TAFA4: variants seen among roughly 807,000 people sequenced by gnomAD.
TAFA4 encodes the protein chemokine-like protein TAFA-4.
In TAFA4, 20 loss-of-function variants were observed where a neutral mutation model predicts 21.1. The observed-to-expected ratio is 0.95, with a 90% CI of 0.67 to 1.38. The LOEUF is 1.38. Ranked by LOEUF, TAFA4 falls within the 40% of genes most tolerant of loss-of-function variation. TAFA4 has a pLI of 0.00. For missense variants in TAFA4, 211 were observed against 180.9 expected, an observed-to-expected ratio of 1.17 and a Z score of -0.95; for synonymous variants, 71 against 67.4, an observed-to-expected ratio of 1.05 and a Z score of -0.26.
intron 1 of TAFA4, among the ~76,000 whole-genome samples, chr3:68,905,923 T>A (rs765260572): frequency 2.6e-5 from 4 of 152,206 alleles, no homozygotes; most frequent in Non-Finnish European, 5.9e-5. Context: ...TAAACTGCCA[T>A]CCACGGATCA....
At chr3:68,784,588 C>T (rs192749079) in intron 3 of TAFA4, among the ~76,000 whole-genome samples, 68 of 152,168 alleles carry the variant, frequency 4.5e-4, no homozygotes, top group Admixed American at 3.1e-3. Context: ...CAGACCTTTG[C>T]GGTGAGTGTT....
At chr3:68,803,772 T>G (rs1279755928) in intron 3 of TAFA4, among the ~76,000 whole-genome samples, 1 of 146,450 alleles carries the variant, frequency 6.8e-6, no homozygotes, top group Non-Finnish European at 1.5e-5. Flanking sequence ...GCTCAGGGCC[T>G]TTAAGGGTCT....
intron 3 of TAFA4, among the ~76,000 whole-genome samples, chr3:68,874,783 TAC>T (rs10574878): frequency 0.31 from 45,740 of 149,140 alleles, 7,585 homozygotes; most frequent in Middle Eastern, 0.41. Flanking sequence ...ACCCTTTCTT[TAC>T]ACACACACAC....
chr3:68,923,753 C>A (rs1404257853), intron 1 of TAFA4, among the ~76,000 whole-genome samples: 2 of 152,132 alleles, frequency 1.3e-5, no homozygotes. Context: ...AGGGTAAACA[C>A]ACTTGTTATT....
At chr3:68,830,646 G>A (rs1258662510) in intron 3 of TAFA4, among the ~76,000 whole-genome samples, 2 of 152,190 alleles carry the variant, frequency 1.3e-5, no homozygotes, top group African/African-American at 2.4e-5. Context: ...ATGTAGTGCT[G>A]AGAAGAATGT....
At chr3:68,766,197 A>G (rs1702851407) in intron 3 of TAFA4, among the ~76,000 whole-genome samples, 1 of 152,142 alleles carries the variant, frequency 6.6e-6, no homozygotes, top group South Asian at 2.1e-4. Context: ...CCAGGTACCT[A>G]AAGTTTATAT....
chr3:68,806,892 C>G (rs1703713149), intron 3 of TAFA4, among the ~76,000 whole-genome samples: 1 of 152,136 alleles, frequency 6.6e-6, no homozygotes, highest in Non-Finnish European at 1.5e-5. Flanking sequence ...TGTCAAGCCA[C>G]TCGGTATATG....
At chr3:68,845,193 C>G (rs998224010) in intron 3 of TAFA4, among the ~76,000 whole-genome samples, 1 of 152,058 alleles carries the variant, frequency 6.6e-6, no homozygotes, top group African/African-American at 2.4e-5. Flanking sequence ...TCTGGGTGTT[C>G]CTGCAGTGGG....
chr3:68,842,496 C>A (rs1704688101), intron 3 of TAFA4, among the ~76,000 whole-genome samples: 1 of 152,150 alleles, frequency 6.6e-6, no homozygotes, highest in African/African-American at 2.4e-5. Context: ...TGTAGGTTGC[C>A]TATTCACTCT....
chr3:68,855,721 A>G (rs1329735294), intron 3 of TAFA4, among the ~76,000 whole-genome samples: 3 of 152,030 alleles, frequency 2.0e-5, no homozygotes, highest in Non-Finnish European at 2.9e-5. Flanking sequence ...GACTGAGTAG[A>G]TAAACAGACA....
intron 3 of TAFA4, among the ~76,000 whole-genome samples, chr3:68,792,057 A>G (rs754922285): frequency 2.0e-5 from 3 of 152,226 alleles, no homozygotes; most frequent in Non-Finnish European, 2.9e-5. Context: ...AATGGATTTC[A>G]TTAGTTTTCT....
chr3:68,802,266 A>G (rs1703595057), intron 3 of TAFA4, among the ~76,000 whole-genome samples: 1 of 152,102 alleles, frequency 6.6e-6, no homozygotes. Flanking sequence ...ATTCATACCA[A>G]TCTGTTGGCA....
intron 1 of TAFA4, among the ~76,000 whole-genome samples, chr3:68,906,670 G>A (rs532191869): frequency 2.6e-5 from 4 of 152,196 alleles, no homozygotes; most frequent in Admixed American, 1.3e-4. Context: ...AGGCGCTGGT[G>A]TTTTAAAGGT....
intron 3 of TAFA4, among the ~76,000 whole-genome samples, chr3:68,846,749 C>T (rs34063186): frequency 0.049 from 7,457 of 152,110 alleles, 594 homozygotes; most frequent in African/African-American, 0.17. Flanking sequence ...GCTTTGTTTG[C>T]TAGTTTTCCT....
Position 68,752,903 on chromosome 3 carries a change from C to A in TAFA4, c.246G>T (p.Gln82His). 1.9e-6 allele frequency: 3 copies of A among 1,614,120 alleles called. No homozygotes were observed. The highest frequency in any genetic ancestry group is 2.5e-6 in the Non-Finnish European group (3 of 1,180,026). ...QTVKCSCFPG[Q>H]VAGTTRAQPS... ...GTTGAGCCCGAGTTGTGCCCGCCACCTGTCCCGGGAAGCAAGAGCACTTGA... is the reference window on the plus strand; with the variant it reads ...GTTGAGCCCGAGTTGTGCCCGCCACATGTCCCGGGAAGCAAGAGCACTTGA... The change falls in exon 4 of 6, where the codon CAG becomes CAT. Residue 82 changes from glutamine (Q) to histidine (H), a missense_variant. Transcript: ENST00000295569.
chr3:68,747,891 CT>C (rs1260072626), intron 4 of TAFA4, among the ~76,000 whole-genome samples: 26 of 152,272 alleles, frequency 1.7e-4, no homozygotes, highest in African/African-American at 6.0e-4. Flanking sequence ...ATCAAGGGTC[CT>C]TTTACCTTTC....
intron 3 of TAFA4, among the ~76,000 whole-genome samples, chr3:68,837,957 A>C (rs1704560531): frequency 6.6e-6 from 1 of 152,110 alleles, no homozygotes; most frequent in African/African-American, 2.4e-5. Flanking sequence ...TACATCGTGG[A>C]ATCTCTAAAT....
intron 1 of TAFA4, among the ~76,000 whole-genome samples, chr3:68,930,364 A>G (rs2090148242): frequency 6.6e-6 from 1 of 152,214 alleles, no homozygotes; most frequent in African/African-American, 2.4e-5. Flanking sequence ...TCAAAGATAG[A>G]GAAATTGGCA....
rs1170875272 is a variant in TAFA4 at position 68,844,453 on chromosome 3, C to CT, written c.130+36276dup. The stretch of plus-strand genomic sequence containing the variant: ...CTAGTAGTCTATCTATTTTGTTAAT[C>CT]TTTAAAAAAAAAACAGCTCCTGGAT... On this transcript the variant is annotated intron_variant, in intron 3 of 5. Transcript: ENST00000295569. 3.4e-5 allele frequency among the ~76,000 whole-genome samples: 5 copies of CT among 146,890 alleles called. No homozygotes were observed. In the South Asian group the frequency reaches 8.5e-4, roughly 25 times the overall value.
Sources: allele counts gnomAD v4.1 joint callset (sites outside exome capture counted in the v4.1 genomes callset), GRCh38; gene constraint gnomAD v4.1.1; transcripts MANE v1.5; gene names NCBI Gene and HGNC (gene_info 2026-07-23, HGNC 2026-07-21).